Variants in MAPRE2 observed in about 807,000 individuals in gnomAD.
MAPRE2 encodes microtubule associated protein RP/EB family member 2.
In MAPRE2, 13 loss-of-function variants were observed where a neutral mutation model predicts 43.2. That is an observed-to-expected ratio of 0.30 (90% CI 0.20 to 0.48). The LOEUF is 0.48. MAPRE2 is among the 20% of genes least tolerant of loss of function. MAPRE2 has a pLI of 0.99. For missense variants in MAPRE2, 161 were observed against 400.2 expected, an observed-to-expected ratio of 0.40 and a Z score of 5.10; for synonymous variants, 135 against 148.8, an observed-to-expected ratio of 0.91 and a Z score of 0.68.
intron 3 of MAPRE2, among the ~76,000 whole-genome samples, chr18:35,098,903 T>C (rs985563488): frequency 1.3e-4 from 20 of 152,350 alleles, no homozygotes; most frequent in African/African-American, 4.8e-4. Context: ...CTGGCCATGA[T>C]GGCCTTTGTT....
intron 2 of MAPRE2, among the ~76,000 whole-genome samples, chr18:35,014,341 T>C (rs1456766189): frequency 6.6e-6 from 1 of 151,170 alleles, no homozygotes; most frequent in Non-Finnish European, 1.5e-5. Context: ...CCACTGGGTT[T>C]GGAGGCCATC....
chr18:35,030,280 C>T (rs767847686), intron 2 of MAPRE2, among the ~76,000 whole-genome samples: 1 of 152,144 alleles, frequency 6.6e-6, no homozygotes, highest in African/African-American at 2.4e-5. Flanking sequence ...GTTTTTATTT[C>T]CTTGCTTCCT....
intron 2 of MAPRE2, among the ~76,000 whole-genome samples, chr18:35,085,261 A>T (rs1907821019): frequency 6.6e-6 from 1 of 152,204 alleles, no homozygotes; most frequent in African/African-American, 2.4e-5. Context: ...TGATTTCCCA[A>T]AGGGGAATGC....
At chr18:35,059,084 G>A (rs1040554571) in intron 1 of MAPRE2, among the ~76,000 whole-genome samples, 16 of 152,212 alleles carry the variant, frequency 1.1e-4, no homozygotes, top group African/African-American at 3.9e-4. Flanking sequence ...CATTAGGCAT[G>A]TGGAAAGTTT....
At chr18:35,115,453 T>C (rs1909367885) in intron 4 of MAPRE2, among the ~76,000 whole-genome samples, 1 of 152,210 alleles carries the variant, frequency 6.6e-6, no homozygotes, top group African/African-American at 2.4e-5. Flanking sequence ...TCTGAGATTT[T>C]AGTGCACCCA....
chr18:35,063,999 T>TGAAAAAAAAAAAAAAAAAAAAA (rs1568989696), intron 1 of MAPRE2, among the ~76,000 whole-genome samples: 1 of 60,694 alleles, frequency 1.6e-5, no homozygotes, highest in Non-Finnish European at 3.7e-5. Context: ...CCCTGTCTCT[T>TGAAAAAAAAAAAAAAAAAAAAA]TAAAAAAAAA....
At chr18:34,999,217 T>C (rs1436278335) in intron 1 of MAPRE2, among the ~76,000 whole-genome samples, 1 of 152,172 alleles carries the variant, frequency 6.6e-6, no homozygotes, top group African/African-American at 2.4e-5. Context: ...TACGACTCTA[T>C]TTTCAAAAAT....
At position 35,140,283 on chromosome 18, in the gene MAPRE2, C is replaced by T. The variant is rs1910572018; in HGVS notation, c.910-12C>T. 2 of 1,612,152 alleles carry T rather than the reference C, an allele frequency of 1.2e-6. No homozygotes were observed. Among genetic ancestry groups the T allele is most frequent in the Non-Finnish European group, 8.5e-7 (1 of 1,179,032 alleles). On this transcript the variant is annotated splice_polypyrimidine_tract_variant and intron_variant, in intron 6 of 6. Coordinates refer to ENST00000300249, the MANE Select transcript of MAPRE2 (RefSeq NM_014268.4). ...TCAATTATCTCAGCTGAAACTTCTC[C>T]CCTGCCCACAGGAGGGCCACACAGA...
intron 1 of MAPRE2, among the ~76,000 whole-genome samples, chr18:35,003,941 G>GA (rs1368274632): frequency 1.3e-5 from 2 of 152,120 alleles, no homozygotes; most frequent in African/African-American, 4.8e-5. Flanking sequence ...GTATCTGAAG[G>GA]AAAAAACTTA....
chr18:35,140,171 C>CCTAA, intron 6 of MAPRE2, 124 bp from the exon 7 acceptor site: 2 of 784,278 alleles, frequency 2.6e-6, no homozygotes, highest in Non-Finnish European at 4.2e-6. Context: ...GCGAGTTGTG[C>CCTAA]CTAACTAAGC....
rs777729932 is a variant in MAPRE2 at position 35,041,525 on chromosome 18, C to G, written c.-15C>G. ...CAGCCCACAGCGGTTTGTTCCCCTT[C>G]TCGGGAGTGCGCCAATGCCTGGGCC... On this transcript the variant is annotated 5_prime_UTR_variant, in exon 1 of 7. Transcript: ENST00000300249. 6.2e-7 allele frequency: 1 copy of G among 1,614,090 alleles called. No homozygotes were observed. The highest frequency in any genetic ancestry group is 8.5e-7 in the Non-Finnish European group (1 of 1,180,046).
intron 1 of MAPRE2, among the ~76,000 whole-genome samples, chr18:34,979,386 G>T (rs544007080): frequency 2.0e-5 from 3 of 152,156 alleles, no homozygotes; most frequent in Non-Finnish European, 4.4e-5. Flanking sequence ...TAATTACAGC[G>T]AGTAGTTTGT....
In MAPRE2 at chr18:35,084,320, C is replaced by A. The variant is rs182302053; in HGVS notation, c.251-13126C>A. Among the ~76,000 whole-genome samples the A allele has an allele frequency of 3.3e-5, 5 of 152,174 alleles. No homozygotes were observed. In the East Asian group the frequency reaches 5.8e-4, roughly 18 times the overall value. On this transcript the variant is annotated intron_variant, in intron 2 of 6. Transcript: ENST00000300249. ...TAACATTACTTTTTAAAAAAGTATT[C>A]TTGGTTCTTGTTGAAAGCAGGTTAT...
Position 35,026,139 on chromosome 18 carries a change from G to A in MAPRE2, c.-8+20586G>A, listed in dbSNP as rs1050999574. Among the ~76,000 whole-genome samples, 12 of 152,146 alleles carry A rather than the reference G, an allele frequency of 7.9e-5. No homozygotes were observed. In the South Asian group the frequency reaches 8.3e-4, roughly 10 times the overall value. ...CATGAGGTAGGTGAGAGGAAGGAGC[G>A]TGTCTGAAGCAGGGTGTGAGCAGCG... On this transcript the variant is annotated intron_variant, in intron 2 of 7. Coordinates refer to the MAPRE2 transcript ENST00000413393.
At chr18:34,977,478 C>A (rs1471250592) in intron 1 of MAPRE2, among the ~76,000 whole-genome samples, 1 of 152,200 alleles carries the variant, frequency 6.6e-6, no homozygotes, top group East Asian at 1.9e-4. Flanking sequence ...ACTGCGCGAC[C>A]GCGGCGCACG....
intron 1 of MAPRE2, among the ~76,000 whole-genome samples, chr18:35,049,714 C>A (rs1905838755): frequency 6.6e-6 from 1 of 152,086 alleles, no homozygotes. Context: ...TGATACTTGT[C>A]TGAATAAAAG....
chr18:35,077,895 T>C (rs905009476), intron 2 of MAPRE2, among the ~76,000 whole-genome samples: 13 of 152,244 alleles, frequency 8.5e-5, no homozygotes, highest in African/African-American at 3.1e-4. Context: ...AAAAGATTTA[T>C]CTTTCAACAT....
chr18:34,993,943 G>T (rs968436434), intron 1 of MAPRE2, among the ~76,000 whole-genome samples: 2 of 149,880 alleles, frequency 1.3e-5, no homozygotes, highest in East Asian at 2.0e-4. Context: ...CCTTGGAGAT[G>T]ATCTCATTTA....
upstream of MAPRE2, chr18:35,041,300 G>A: frequency 7.1e-7 from 1 of 1,407,724 alleles, no homozygotes; most frequent in South Asian, 1.5e-5. Context: ...TGATGAGTTA[G>A]CGGGTTGCCA....
Sources: gnomAD v4.1 joint callset for allele counts (sites outside exome capture counted in the v4.1 genomes callset) on GRCh38, gnomAD v4.1.1 for gene constraint, MANE v1.5 for transcripts, NCBI Gene and HGNC (gene_info 2026-07-23, HGNC 2026-07-21) for gene names.